CSMD2: variants seen among roughly 807,000 people sequenced by gnomAD.
The protein encoded by CSMD2 is CUB and Sushi multiple domains 2, also known as CUB and sushi domain-containing protein 2.
A neutral mutation model predicts 398.5 loss-of-function variants in CSMD2; 130 were observed. The ratio of observed to expected loss-of-function variants is 0.33; its 90% CI spans 0.28 to 0.38. The LOEUF (loss-of-function observed/expected upper bound fraction) is 0.38. Ranked by LOEUF, CSMD2 falls within the 10% of genes least tolerant of loss-of-function variation. The pLI is 1.00. For missense variants in CSMD2, 3,829 were observed against 4,764.9 expected (o/e 0.80, Z 5.78); for synonymous variants, 1,828 against 1,908.5 (o/e 0.96, Z 1.10).
chr1:33,917,975 A>G (rs1643811255), intron 5 of CSMD2, 119 bp downstream of exon 5: 2 of 777,190 alleles, frequency 2.6e-6, no homozygotes, highest in Non-Finnish European at 4.3e-6. Context: ...AACAGTAGGT[A>G]TAAGGAAGTG....
chr1:33,727,467 G>A (rs61456844), intron 15 of CSMD2, among the ~76,000 whole-genome samples: 26 of 152,154 alleles, frequency 1.7e-4, no homozygotes, highest in African/African-American at 6.0e-4. Context: ...GTAGTCATTA[G>A]AGCTATTCCT....
At chr1:33,592,172 C>T (rs1443688791) in intron 44 of CSMD2, 1 of 527,688 alleles carries the variant, frequency 1.9e-6, no homozygotes, top group Non-Finnish European at 3.4e-6. Context: ...GGACGAGGAA[C>T]TGAAGGGCCA....
intron 2 of CSMD2, among the ~76,000 whole-genome samples, chr1:34,051,694 A>G (rs1428502630): frequency 2.6e-5 from 4 of 152,136 alleles, no homozygotes; most frequent in East Asian, 1.9e-4. Flanking sequence ...TTAATGCAGG[A>G]TAGTCATGTC....
chr1:33,788,593 C>CA lies in CSMD2; in HGVS notation c.1663+6dup, dbSNP rs1653840158. ...CACAGTTCATCTGGCTTGCCAAAAG[C>CA]AGTTACCTTCATAAGAAGCCTTGAA... On this transcript the variant is annotated splice_region_variant and intron_variant, in intron 12 of 70. Transcript: ENST00000373381. 6.5e-7 allele frequency: 1 copy of CA among 1,541,108 alleles called. No homozygotes were observed. The highest frequency in any genetic ancestry group is 1.1e-5 in the South Asian group (1 of 89,570).
At chr1:34,150,705 G>A (rs1459649628) in intron 1 of CSMD2, among the ~76,000 whole-genome samples, 1 of 151,992 alleles carries the variant, frequency 6.6e-6, no homozygotes, top group Non-Finnish European at 1.5e-5. Flanking sequence ...TTGAGGTCAG[G>A]AGTGCAAGAC....
intron 21 of CSMD2, among the ~76,000 whole-genome samples, chr1:33,712,213 C>T (rs997831081): frequency 6.6e-6 from 1 of 152,106 alleles, no homozygotes; most frequent in African/African-American, 2.4e-5. Context: ...ACCAGGATTC[C>T]CAAGGACAGG....
At chr1:33,985,355 A>C (rs1646322242) in intron 3 of CSMD2, among the ~76,000 whole-genome samples, 1 of 152,194 alleles carries the variant, frequency 6.6e-6, no homozygotes, top group Admixed American at 6.5e-5. Context: ...AGGCACACTA[A>C]TTAGTGGTTT....
At chr1:33,888,668 T>A (rs1441871763) in intron 5 of CSMD2, among the ~76,000 whole-genome samples, 1 of 152,048 alleles carries the variant, frequency 6.6e-6, no homozygotes, top group East Asian at 1.9e-4. Context: ...GAGAAGACTA[T>A]TTCTATAATT....
At chr1:33,836,631 C>T (rs963484190) in intron 6 of CSMD2, among the ~76,000 whole-genome samples, 7 of 152,152 alleles carry the variant, frequency 4.6e-5, no homozygotes, top group Non-Finnish European at 8.8e-5. Context: ...TAGCAATGAG[C>T]GAGGCTCCGT....
At chr1:34,012,120 C>A (rs1326626229) in intron 3 of CSMD2, among the ~76,000 whole-genome samples, 1 of 152,098 alleles carries the variant, frequency 6.6e-6, no homozygotes, top group Non-Finnish European at 1.5e-5. Context: ...GTCTTGTGGC[C>A]CCACAGCCTC....
chr1:34,131,075 T>C (rs1340113138), intron 1 of CSMD2, among the ~76,000 whole-genome samples: 1 of 152,216 alleles, frequency 6.6e-6, no homozygotes, highest in Non-Finnish European at 1.5e-5. Flanking sequence ...CCTGCTCTTG[T>C]TTCTCCACCT....
chr1:34,102,036 CT>C (rs10707228), intron 1 of CSMD2, among the ~76,000 whole-genome samples: 51,593 of 147,100 alleles, frequency 0.35, 8,817 homozygotes, highest in Admixed American at 0.42. Context: ...AAAATGTTCA[CT>C]TTTTTTTTTT....
At chr1:33,820,584 A>C (rs78025260) in intron 7 of CSMD2, 28 bp from the exon 8 acceptor site, 8 of 1,132,808 alleles carry the variant, frequency 7.1e-6, no homozygotes, top group East Asian at 2.4e-5. Context: ...AAAAAAAAAA[A>C]AAAACAGCAC....
At chr1:34,062,552 A>C (rs1654631986) in intron 2 of CSMD2, among the ~76,000 whole-genome samples, 2 of 152,188 alleles carry the variant, frequency 1.3e-5, no homozygotes, top group South Asian at 4.1e-4. Flanking sequence ...TGAAGAGGGC[A>C]GAGGGAGGGG....
intron 51 of CSMD2, among the ~76,000 whole-genome samples, chr1:33,570,105 C>T (rs1659449027): frequency 6.6e-6 from 1 of 152,012 alleles, no homozygotes; most frequent in South Asian, 2.1e-4. Context: ...TGGTTACATC[C>T]CACTGTGCAG....
At chr1:33,677,221 G>C (rs1357649671) in intron 25 of CSMD2, among the ~76,000 whole-genome samples, 2 of 151,968 alleles carry the variant, frequency 1.3e-5, no homozygotes, top group Non-Finnish European at 2.9e-5. Flanking sequence ...TCTGACAAAG[G>C]GCTAACATCC....
At chr1:33,592,335 A>G in intron 44 of CSMD2, 1 of 714,180 alleles carries the variant, frequency 1.4e-6, no homozygotes, top group Non-Finnish European at 2.6e-6. Context: ...CAAAAGTAGA[A>G]TCTCTTGGGT....
chr1:33,876,034 T>C (rs1274502274), intron 5 of CSMD2, among the ~76,000 whole-genome samples: 5 of 152,218 alleles, frequency 3.3e-5, no homozygotes, highest in Non-Finnish European at 7.3e-5. Flanking sequence ...TTACTGATAG[T>C]GCCAGGCCAG....
rs907191501 is a variant in CSMD2 at position 33,627,522 on chromosome 1, A to G, written c.5201-941T>C. Among the ~76,000 whole-genome samples the G allele has an allele frequency of 5.7e-4, 86 of 152,146 alleles. 1 individual carries two copies. The highest frequency in any genetic ancestry group is 1.3e-4 in the Non-Finnish European group (9 of 68,022). ...GACGAAGCAGGGATTACAGAGAACC[A>G]GGCTCTATCTCCACTACAGTGAGGG... On this transcript the variant is annotated intron_variant, in intron 32 of 70. Coordinates refer to ENST00000373381, the MANE Select transcript of CSMD2 (RefSeq NM_001281956.2).
Sources: gnomAD v4.1 joint callset for allele counts (sites outside exome capture counted in the v4.1 genomes callset) on GRCh38, gnomAD v4.1.1 for gene constraint, MANE v1.5 for transcripts, NCBI Gene and HGNC (gene_info 2026-07-23, HGNC 2026-07-21) for gene names.